The following SLC5A11 variants were observed in gnomAD, a reference collection of about 807,000 sequenced individuals.
SLC5A11 encodes solute carrier family 5 member 11.
Under a neutral mutation model 69.8 loss-of-function variants are expected in SLC5A11, and 48 were observed. The ratio of observed to expected loss-of-function variants is 0.69; its 90% CI spans 0.55 to 0.87. SLC5A11 has a LOEUF of 0.87. Ranked by LOEUF, SLC5A11 falls within the 40% of genes least tolerant of loss-of-function variation. SLC5A11 has a pLI of 0.00. For synonymous variants in SLC5A11, 319 were observed against 342.4 expected (o/e 0.93, Z 0.75); for missense variants, 784 against 866.1 (o/e 0.91, Z 1.19).
Position 24,861,748 on chromosome 16 carries a change from AAAAAG to A in SLC5A11, c.136-850_136-846del, listed in dbSNP as rs1421379366. Among the ~76,000 whole-genome samples the A allele has an allele frequency of 5.8e-3, 824 of 142,182 alleles. 13 individuals carry two copies. Among genetic ancestry groups the A allele is most frequent in the African/African-American group, 0.02 (789 of 38,522 alleles). The allele number at this position is 142,182 out of a possible 152,430, so 93.3% of individuals were successfully genotyped here. ...GCAGAAGAAAGAAAAAGAAAGAAAG[AAAAAG>A]AAGGAAAGAAAGAAAGAGAAAGAAA... On this transcript the variant is annotated intron_variant, in intron 2 of 15. Transcript: ENST00000347898.
intron 10 of SLC5A11, among the ~76,000 whole-genome samples, chr16:24,900,971 A>G (rs1003479283): frequency 6.6e-6 from 1 of 151,622 alleles, no homozygotes; most frequent in Middle Eastern, 3.2e-3. Context: ...AACCACATTC[A>G]TTGTGCACTT....
intron 10 of SLC5A11, among the ~76,000 whole-genome samples, chr16:24,903,188 G>GTT (rs796872831): frequency 1.8e-4 from 26 of 141,262 alleles, no homozygotes; most frequent in African/African-American, 5.9e-4. Context: ...AGGGACATCT[G>GTT]TTTTTTTTTT....
Position 24,855,105 on chromosome 16 carries a change from T to C in SLC5A11, c.-24-3515T>C, listed in dbSNP as rs558783915. Among the ~76,000 whole-genome samples, 3 of 152,166 alleles carry C rather than the reference T, an allele frequency of 2.0e-5. No homozygotes were observed. The East Asian group carries it at 5.8e-4, about 29-fold the overall frequency. ...TCAGCCTCCCAAGGTGGTAGGATTA[T>C]AGGCTGGAGCCACCACACCTGGCCT... is the stretch of plus-strand genomic sequence containing the variant. On this transcript the variant is annotated intron_variant, in intron 1 of 15. Coordinates refer to ENST00000347898, the Ensembl canonical transcript of SLC5A11.
intron 3 of SLC5A11, among the ~76,000 whole-genome samples, chr16:24,866,174 A>C (rs1419319433): frequency 6.6e-6 from 1 of 151,238 alleles, no homozygotes; most frequent in South Asian, 2.1e-4. Flanking sequence ...AATATGGCAT[A>C]TGTAAATTCT....
intron 5 of SLC5A11, among the ~76,000 whole-genome samples, chr16:24,875,191 T>G (rs1208369458): frequency 6.6e-6 from 1 of 152,138 alleles, no homozygotes; most frequent in Non-Finnish European, 1.5e-5. Context: ...ACCATATGTA[T>G]GTCTTTTGAG....
At chr16:24,872,421 C>G (rs2047365363) in intron 5 of SLC5A11, among the ~76,000 whole-genome samples, 1 of 152,104 alleles carries the variant, frequency 6.6e-6, no homozygotes, top group African/African-American at 2.4e-5. Flanking sequence ...CCTGCCAGTA[C>G]CCAACATCCA....
chr16:24,860,835 A>G (rs905986773), intron 2 of SLC5A11, among the ~76,000 whole-genome samples: 2 of 151,988 alleles, frequency 1.3e-5, no homozygotes, highest in Non-Finnish European at 2.9e-5. Flanking sequence ...CCTCCCTAGT[A>G]GCTAGGACTA....
chr16:24,870,420 C>CA (rs2047205630), intron 4 of SLC5A11, among the ~76,000 whole-genome samples: 1 of 141,838 alleles, frequency 7.1e-6, no homozygotes, highest in Admixed American at 7.3e-5. Context: ...CAAAACAAAA[C>CA]AAAACAAAAA....
intron 1 of SLC5A11, among the ~76,000 whole-genome samples, chr16:24,855,926 T>G (rs948357548): frequency 2.6e-5 from 4 of 152,310 alleles, no homozygotes; most frequent in African/African-American, 9.6e-5. Context: ...AACCCCTGCT[T>G]ATGTATGGTC....
intron 1 of SLC5A11, among the ~76,000 whole-genome samples, chr16:24,856,931 A>T (rs192440641): frequency 1.4e-3 from 219 of 151,950 alleles, no homozygotes; most frequent in African/African-American, 5.0e-3. Flanking sequence ...AGCAATTCTC[A>T]TGCCTCAGCC....
At chr16:24,884,606 C>T (rs2048280567) in intron 8 of SLC5A11, among the ~76,000 whole-genome samples, 1 of 147,130 alleles carries the variant, frequency 6.8e-6, no homozygotes, top group Admixed American at 6.9e-5. Context: ...CTGCCTCAGC[C>T]TCCCCAAGCT....
intron 5 of SLC5A11, among the ~76,000 whole-genome samples, chr16:24,875,101 A>C (rs1485276462): frequency 6.6e-6 from 1 of 152,084 alleles, no homozygotes; most frequent in African/African-American, 2.4e-5. Context: ...GGCCTCCTAA[A>C]GTGCTAGGAT....
chr16:24,911,013 A>T (rs1347172718), intron 15 of SLC5A11, among the ~76,000 whole-genome samples: 3 of 151,928 alleles, frequency 2.0e-5, no homozygotes, highest in African/African-American at 7.3e-5. Context: ...TACTAAAAAT[A>T]TAAAAATTAG....
chr16:24,878,593 C>T (rs887159371), intron 7 of SLC5A11, among the ~76,000 whole-genome samples: 4 of 152,112 alleles, frequency 2.6e-5, no homozygotes, highest in African/African-American at 9.7e-5. Context: ...CATGTATTTA[C>T]ATACACAGGT....
intron 13 of SLC5A11, 27 bp from the exon 15 acceptor site, chr16:24,908,854 T>C: frequency 6.2e-7 from 1 of 1,607,518 alleles, no homozygotes; most frequent in Non-Finnish European, 8.5e-7. Context: ...TTGGCGTCTC[T>C]AAGATGATCT....
At chr16:24,853,054 G>C (rs28464183) in intron 1 of SLC5A11, among the ~76,000 whole-genome samples, 1 of 141,086 alleles carries the variant, frequency 7.1e-6, no homozygotes, top group African/African-American at 2.6e-5. Context: ...AATGTTTGTT[G>C]TACTTAGTCC....
chr16:24,859,875 C>G (rs1010658097), intron 2 of SLC5A11, among the ~76,000 whole-genome samples: 1 of 152,174 alleles, frequency 6.6e-6, no homozygotes, highest in South Asian at 2.1e-4. Flanking sequence ...CCTGGCCCAG[C>G]GCAGTGGCTC....
intron 1 of SLC5A11, among the ~76,000 whole-genome samples, chr16:24,847,713 G>C (rs1218329773): frequency 2.6e-5 from 4 of 152,198 alleles, no homozygotes; most frequent in Non-Finnish European, 5.9e-5. Context: ...GTTGACAGAA[G>C]TGTCCTAGCC....
intron 7 of SLC5A11, among the ~76,000 whole-genome samples, chr16:24,881,424 C>A (rs2048035972): frequency 1.3e-5 from 2 of 152,020 alleles, no homozygotes; most frequent in Admixed American, 1.3e-4. Flanking sequence ...GTAGCTGAGA[C>A]TACAGGTGCC....
Sources: allele counts gnomAD v4.1 joint callset (sites outside exome capture counted in the v4.1 genomes callset), GRCh38; gene constraint gnomAD v4.1.1; transcripts MANE v1.5; gene names NCBI Gene and HGNC (gene_info 2026-07-23, HGNC 2026-07-21).